Variants in NEGR1 observed in about 807,000 individuals in gnomAD.
NEGR1 encodes the protein neuronal growth regulator 1.
In NEGR1, 10 loss-of-function variants were observed where a neutral mutation model predicts 40.9. That is an observed-to-expected ratio of 0.24 (90% CI 0.15 to 0.42). NEGR1 has a LOEUF of 0.42. Ranked by LOEUF, NEGR1 falls within the 10% of genes least tolerant of loss-of-function variation. NEGR1 has a pLI of 1.00. For missense variants in NEGR1, 352 were observed against 438.9 expected (o/e 0.80, Z 1.77); for synonymous variants, 185 against 166.8 (o/e 1.11, Z -0.84).
chr1:72,134,637 A>C (rs1409985673), intron 1 of NEGR1, among the ~76,000 whole-genome samples: 1 of 67,542 alleles, frequency 1.5e-5, no homozygotes, highest in Non-Finnish European at 3.2e-5. Flanking sequence ...ATAAGATTAG[A>C]GGTTTCCTTT....
intron 2 of NEGR1, among the ~76,000 whole-genome samples, chr1:71,809,144 C>A (rs1414945616): frequency 6.6e-6 from 1 of 152,130 alleles, no homozygotes; most frequent in African/African-American, 2.4e-5. Flanking sequence ...AAATGGCTAT[C>A]CCTCCATTCA....
chr1:72,024,244 A>T (rs1646787312), intron 1 of NEGR1, among the ~76,000 whole-genome samples: 1 of 152,004 alleles, frequency 6.6e-6, no homozygotes, highest in Non-Finnish European at 1.5e-5. Context: ...CCACCAAATA[A>T]TTTATTTATT....
chr1:72,067,334 T>TA (rs1424592325), intron 1 of NEGR1, among the ~76,000 whole-genome samples: 2 of 152,100 alleles, frequency 1.3e-5, no homozygotes. Flanking sequence ...AACTGGTTTG[T>TA]AAAAAGTTCA....
intron 3 of NEGR1, among the ~76,000 whole-genome samples, chr1:71,751,837 T>G (rs12080552): frequency 0.019 from 2,929 of 152,300 alleles, 77 homozygotes; most frequent in African/African-American, 0.066. Context: ...GATATACTCT[T>G]TCAGAATTCC....
chr1:71,863,353 A>G lies in NEGR1; in HGVS notation c.409+71726T>C, dbSNP rs565174552. ...ATCAGCAAACTAATGCAGGAACAGA[A>G]GAAGAAACACTACAGGTCCTCATAT... On this transcript the variant is annotated intron_variant, in intron 2 of 6. Transcript: ENST00000357731. 4.6e-5 allele frequency among the ~76,000 whole-genome samples: 7 copies of G among 152,294 alleles called. No individual in the cohort carries two copies. The East Asian group carries it at 1.2e-3, about 25-fold the overall frequency.
At chr1:71,482,468 T>C (rs777304203) in intron 6 of NEGR1, among the ~76,000 whole-genome samples, 1 of 151,828 alleles carries the variant, frequency 6.6e-6, no homozygotes, top group Admixed American at 6.6e-5. Flanking sequence ...AAAATATACA[T>C]ACACTTGTCA....
chr1:72,214,338 T>A (rs1412348375), intron 1 of NEGR1, among the ~76,000 whole-genome samples: 2 of 152,060 alleles, frequency 1.3e-5, no homozygotes, highest in Non-Finnish European at 2.9e-5. Context: ...CCACTCCTAT[T>A]CAACGTATTA....
At chr1:71,675,172 T>C (rs1652584660) in intron 4 of NEGR1, among the ~76,000 whole-genome samples, 2 of 126,462 alleles carry the variant, frequency 1.6e-5, no homozygotes, top group South Asian at 5.3e-4. Context: ...AAAGCAGGTG[T>C]TAGCATGCCC....
intron 1 of NEGR1, among the ~76,000 whole-genome samples, chr1:72,173,787 C>CA (rs1652053783): frequency 6.6e-6 from 1 of 151,934 alleles, no homozygotes; most frequent in Non-Finnish European, 1.5e-5. Context: ...CTAAAAAATA[C>CA]AAAAAATTAG....
At chr1:72,040,577 C>CAAAAAAAAAAAAAAAAAAAAAAAAAAAA (rs5775102) in intron 1 of NEGR1, among the ~76,000 whole-genome samples, 2 of 29,704 alleles carry the variant, frequency 6.7e-5, no homozygotes, top group African/African-American at 2.5e-4. Context: ...GAGCACTGAC[C>CAAAAAAAAAAAAAAAAAAAAAAAAAAAA]AAAAAAAAAA....
chr1:72,069,169 G>A (rs1235621878), intron 1 of NEGR1, among the ~76,000 whole-genome samples: 2 of 151,968 alleles, frequency 1.3e-5, no homozygotes, highest in African/African-American at 4.8e-5. Context: ...CAGCACTTTG[G>A]GAGGCCAAGG....
intron 3 of NEGR1, among the ~76,000 whole-genome samples, chr1:71,733,137 A>C (rs560985358): frequency 6.6e-6 from 1 of 152,200 alleles, no homozygotes; most frequent in South Asian, 2.1e-4. Context: ...CACTCTTCAA[A>C]ATGCTGCACA....
At chr1:71,680,952 A>G (rs1652819515) in intron 4 of NEGR1, among the ~76,000 whole-genome samples, 2 of 152,200 alleles carry the variant, frequency 1.3e-5, no homozygotes, top group Non-Finnish European at 2.9e-5. Flanking sequence ...CATTCCCACA[A>G]TTTCTAGGTT....
At chr1:71,919,492 T>TA (rs1645679604) in intron 2 of NEGR1, among the ~76,000 whole-genome samples, 2 of 150,068 alleles carry the variant, frequency 1.3e-5, no homozygotes, top group African/African-American at 4.9e-5. Context: ...CAAACTATCT[T>TA]AACCTTTTTT....
intron 1 of NEGR1, among the ~76,000 whole-genome samples, chr1:72,192,753 C>T (rs1652861255): frequency 6.6e-6 from 1 of 151,698 alleles, no homozygotes; most frequent in Non-Finnish European, 1.5e-5. Flanking sequence ...ATTTTACCTA[C>T]CAGGTTATAG....
chr1:71,438,157 A>T (rs1339410377), intron 6 of NEGR1, among the ~76,000 whole-genome samples: 1 of 152,184 alleles, frequency 6.6e-6, no homozygotes, highest in African/African-American at 2.4e-5. Flanking sequence ...GAGGATGTTT[A>T]TGTATTCTTT....
At chr1:71,591,092 C>T (rs895141745) in intron 6 of NEGR1, among the ~76,000 whole-genome samples, 3 of 152,126 alleles carry the variant, frequency 2.0e-5, no homozygotes, top group Admixed American at 6.6e-5. Context: ...ACCAGGGGTT[C>T]TGAATATATG....
At chr1:71,652,102 T>G (rs2101582960) in intron 4 of NEGR1, among the ~76,000 whole-genome samples, 1 of 152,286 alleles carries the variant, frequency 6.6e-6, no homozygotes, top group South Asian at 2.1e-4. Context: ...AACCCATAAA[T>G]GAGCATATTA....
intron 2 of NEGR1, among the ~76,000 whole-genome samples, chr1:71,868,393 T>G (rs747300704): frequency 2.6e-5 from 4 of 151,986 alleles, no homozygotes; most frequent in African/African-American, 9.7e-5. Context: ...CTTAAACAAA[T>G]GAGTTAACAT....
Sources: gnomAD v4.1 joint callset for allele counts (sites outside exome capture counted in the v4.1 genomes callset) on GRCh38, gnomAD v4.1.1 for gene constraint, MANE v1.5 for transcripts, NCBI Gene and HGNC (gene_info 2026-07-23, HGNC 2026-07-21) for gene names.